The following ARHGEF4 variants were observed in gnomAD, a reference collection of about 807,000 sequenced individuals.
ARHGEF4 encodes the protein Rho guanine nucleotide exchange factor 4, also known as APC-stimulated guanine nucleotide exchange factor 1.
In ARHGEF4, 119 loss-of-function variants were observed where a neutral mutation model predicts 162.0. That is an observed-to-expected ratio of 0.73 (90% confidence interval 0.63 to 0.86). ARHGEF4 has a LOEUF of 0.86. Among genes scored for constraint, ARHGEF4 ranks in the 40% least tolerant of loss-of-function variants. ARHGEF4 has a pLI of 0.00. For synonymous variants in ARHGEF4, 1,014 were observed against 979.9 expected (o/e 1.03, Z -0.65); for missense variants, 2,488 against 2,456.0 (o/e 1.01, Z -0.28).
intron 3 of ARHGEF4, among the ~76,000 whole-genome samples, chr2:130,940,801 T>C (rs12691842): frequency 0.41 from 56,139 of 137,378 alleles, 14,553 homozygotes; most frequent in African/African-American, 0.75. Context: ...CACTGCACTC[T>C]AGCCTGGGTG....
At chr2:131,035,614 G>A (rs1457336156) in intron 5 of ARHGEF4, 9 of 982,034 alleles carry the variant, frequency 9.2e-6, no homozygotes, top group South Asian at 4.7e-5. Context: ...TGAGCGACCC[G>A]CGCTTGCATC....
chr2:130,864,047 A>G (rs1574115021), intron 1 of ARHGEF4, among the ~76,000 whole-genome samples: 3 of 150,890 alleles, frequency 2.0e-5, no homozygotes, highest in Non-Finnish European at 4.4e-5. Context: ...TTAGCTGGGC[A>G]TGGTGGCGGG....
At chr2:130,999,282 C>G (rs1356053018) in intron 4 of ARHGEF4, among the ~76,000 whole-genome samples, 3 of 151,346 alleles carry the variant, frequency 2.0e-5, no homozygotes, top group Admixed American at 2.0e-4. Flanking sequence ...AGCCTTCCAA[C>G]TAGCTGGGAC....
At chr2:130,867,336 T>A (rs1682358905) in intron 1 of ARHGEF4, among the ~76,000 whole-genome samples, 1 of 151,924 alleles carries the variant, frequency 6.6e-6, no homozygotes, top group Non-Finnish European at 1.5e-5. Context: ...TCTCCCGGGT[T>A]CAAGTGATTC....
At chr2:130,949,036 T>G (rs187066218) in intron 4 of ARHGEF4, among the ~76,000 whole-genome samples, 87 of 152,348 alleles carry the variant, frequency 5.7e-4, no homozygotes, top group Non-Finnish European at 7.5e-4. Flanking sequence ...CATTCTCATT[T>G]GAATTCTCAT....
rs1244948305 is a variant in ARHGEF4, at chr2:131,040,080, AGGACGGCGGGGCGGAGGCGCAGAGCAGC to A, written c.4371_4398del (p.Asp1458ArgfsTer64). On this transcript the variant is annotated frameshift_variant, in exon 7 of 14. Transcript: ENST00000409359. LOFTEE classifies it high-confidence loss of function. ...CCTCTGGCCGGGAACAGCGGAGCGG[AGGACGGCGGGGCGGAGGCGCAGAGCAGC>A]AAGGACCAGATGCGGACCAACGTCA... is the stretch of plus-strand genomic sequence containing the variant. 1 of 1,604,572 alleles carries A rather than the reference AGGACGGCGGGGCGGAGGCGCAGAGCAGC, an allele frequency of 6.2e-7. No homozygotes were observed. Among genetic ancestry groups the A allele is most frequent in the Admixed American group, 1.7e-5 (1 of 58,820 alleles).
rs1183335279 is a variant in ARHGEF4 at position 130,915,285 on chromosome 2, G to T, written c.1339G>T (p.Val447Leu). 2 of 1,550,542 alleles carry T rather than the reference G, an allele frequency of 1.3e-6. No individual in the cohort carries two copies. The highest frequency in any genetic ancestry group is 2.7e-5 in the African/African-American group (2 of 73,046). Residue 447 changes from valine (V) to leucine (L), a missense_variant, in exon 2 of 14, where the codon GTG becomes TTG. Coordinates refer to ENST00000409359, the MANE Select transcript of ARHGEF4 (RefSeq NM_001367493.1). The part of the protein sequence containing the change: ...LVASCLTSEL[V>L]KLSAEEVPEP... Reference sequence around the variant, plus strand: ...GGCTTCATGCCTCACCTCAGAGTTAGTGAAGCTCAGTGCAGAGGAAGTGCC... The same window carrying T: ...GGCTTCATGCCTCACCTCAGAGTTATTGAAGCTCAGTGCAGAGGAAGTGCC...
At chr2:130,844,344 G>T (rs1248962763) in intron 1 of ARHGEF4, among the ~76,000 whole-genome samples, 1 of 152,212 alleles carries the variant, frequency 6.6e-6, no homozygotes, top group African/African-American at 2.4e-5. Context: ...AGGCCCTCCG[G>T]CCCTCACGTT....
chr2:130,986,613 T>G (rs1470841144), intron 4 of ARHGEF4, among the ~76,000 whole-genome samples: 1 of 152,056 alleles, frequency 6.6e-6, no homozygotes, highest in Non-Finnish European at 1.5e-5. Context: ...CAGGAGGCCA[T>G]GAGGGGCAGC....
Position 130,887,879 on chromosome 2 carries a change from G to T in ARHGEF4, c.40-26107G>T, listed in dbSNP as rs534658635. Among the ~76,000 whole-genome samples the T allele has an allele frequency of 5.9e-5, 9 of 152,186 alleles. No homozygotes were observed. In the South Asian group the frequency reaches 1.9e-3, roughly 32 times the overall value. ...CGCCGGCAGGGTTTCATGGGCTGGG[G>T]CCGAATGTCACTCTTGCTCACATTT... On this transcript the variant is annotated intron_variant, in intron 1 of 13. Transcript: ENST00000409359.
Position 131,044,472 on chromosome 2 carries a change from C to G in ARHGEF4, c.5331C>G (p.Pro1777=), listed in dbSNP as rs10928515. 6.4e-7 allele frequency: 1 copy of G among 1,553,938 alleles called. No homozygotes were observed. The highest frequency in any genetic ancestry group is 8.7e-7 in the Non-Finnish European group (1 of 1,148,684). ...GCCACCTGCTGTGCACCAGGAAGCCCGAGCAGAAGCAGCGCTGGCTCAAGG... is the reference window on the plus strand; with the variant it reads ...GCCACCTGCTGTGCACCAGGAAGCCGGAGCAGAAGCAGCGCTGGCTCAAGG... ...GDSHLLCTRK[P]EQKQRWLKAF... Residue 1777 remains proline, a synonymous_variant, in exon 12 of 14, where the codon CCC becomes CCG. Coordinates refer to ENST00000409359, the MANE Select transcript of ARHGEF4 (RefSeq NM_001367493.1).
In ARHGEF4 at chr2:131,046,023, T is replaced by C; in HGVS notation, c.5480-15T>C. ...CCTGGGCACCCATGACCCTCTGCTGTCTCTCCCTGTTCAGCTGTTGGCCGG... is the reference window on the plus strand; with the variant it reads ...CCTGGGCACCCATGACCCTCTGCTGCCTCTCCCTGTTCAGCTGTTGGCCGG... On this transcript the variant is annotated splice_polypyrimidine_tract_variant and intron_variant, in intron 13 of 13. Transcript: ENST00000409359. The C allele has an allele frequency of 1.2e-6, 2 of 1,605,650 alleles. No individual in the cohort carries two copies. The highest frequency in any genetic ancestry group is 1.7e-6 in the Non-Finnish European group (2 of 1,174,864).
chr2:131,015,231 C>G (rs1415678534), intron 4 of ARHGEF4, among the ~76,000 whole-genome samples: 1 of 152,244 alleles, frequency 6.6e-6, no homozygotes, highest in Non-Finnish European at 1.5e-5. Flanking sequence ...CCACTTGGGA[C>G]TGTAGATGGC....
At position 130,916,247 on chromosome 2, in the gene ARHGEF4, C is replaced by T. The variant is rs555374289; in HGVS notation, c.2301C>T (p.Pro767=). 1.5e-4 allele frequency: 229 copies of T among 1,527,076 alleles called. 1 individual carries two copies. The African/African-American group carries it at 3.0e-3, about 20-fold the overall frequency. The allele number at this position is 1,527,076 out of a possible 1,614,324, so 94.6% of individuals were successfully genotyped here. A position where few individuals can be genotyped will look rare whatever the true frequency, so the allele number is the denominator to read the frequency against. ...CTGCAGCAGCCCGGGGCCAGCGCCC[C>T]CGCGTCCCCGCCTTGGAGCCGCCCC... ...GGAAAARGQR[P]RVPALEPPQP... is the part of the protein sequence containing the mutation. Residue 767 remains proline, a synonymous_variant, in exon 2 of 14, where the codon CCC becomes CCT. Transcript: ENST00000409359.
rs537691181 is a variant in ARHGEF4, at chr2:130,847,704, C to T, written c.39+10712C>T. On this transcript the variant is annotated intron_variant, in intron 1 of 13. Transcript: ENST00000409359. The stretch of plus-strand genomic sequence containing the variant: ...TCCTTCCCTGGGTCCACCCAGGTCC[C>T]CTTTCTCTCTGTGAGTTCTAGAGTT... Among the ~76,000 whole-genome samples, 7 of 152,322 alleles carry T rather than the reference C, an allele frequency of 4.6e-5. No homozygotes were observed. In the South Asian group the frequency reaches 1.4e-3, roughly 32 times the overall value.
intron 1 of ARHGEF4, among the ~76,000 whole-genome samples, chr2:130,891,408 G>A (rs535927484): frequency 4.6e-5 from 7 of 152,256 alleles, no homozygotes; most frequent in East Asian, 1.9e-4. Flanking sequence ...GGCAAACTTC[G>A]GTGAAGGGCC....
rs570555439 is a variant in ARHGEF4, at chr2:130,951,807, CT to C, written c.3985+5175del. The stretch of plus-strand genomic sequence containing the variant: ...CCAGTAATATATAGAACTATTACTC[CT>C]TTATAGCTCTATTCCCTTCCCCCTT... On this transcript the variant is annotated intron_variant, in intron 4 of 13. Coordinates refer to ENST00000409359, the MANE Select transcript of ARHGEF4 (RefSeq NM_001367493.1). Among the ~76,000 whole-genome samples the C allele has an allele frequency of 1.7e-3, 264 of 152,112 alleles. 2 individuals carry two copies. The highest frequency in any genetic ancestry group is 5.4e-3 in the South Asian group (26 of 4,822).
intron 4 of ARHGEF4, among the ~76,000 whole-genome samples, chr2:130,994,769 T>C (rs1306819927): frequency 6.6e-6 from 1 of 152,226 alleles, no homozygotes; most frequent in Non-Finnish European, 1.5e-5. Context: ...TCTTTCAGTG[T>C]TTGTTTTTGT....
At chr2:131,015,054 C>T (rs1035882408) in intron 4 of ARHGEF4, among the ~76,000 whole-genome samples, 7 of 152,148 alleles carry the variant, frequency 4.6e-5, no homozygotes, top group African/African-American at 1.7e-4. Flanking sequence ...TGATACCTGC[C>T]TCACAGGTAG....
Sources: allele counts gnomAD v4.1 joint callset (sites outside exome capture counted in the v4.1 genomes callset), GRCh38; gene constraint gnomAD v4.1.1; transcripts MANE v1.5; gene names NCBI Gene and HGNC (gene_info 2026-07-23, HGNC 2026-07-21).